ARHGAP24: variants seen among roughly 807,000 people sequenced by gnomAD.
ARHGAP24 encodes rho GTPase-activating protein 24.
A neutral mutation model predicts 76.4 loss-of-function variants in ARHGAP24; 50 were observed. The ratio of observed to expected loss-of-function variants is 0.65; its 90% CI spans 0.52 to 0.83. ARHGAP24 has a LOEUF of 0.83. Among genes scored for constraint, ARHGAP24 ranks in the 40% least tolerant of loss-of-function variants. The pLI is 0.00. For missense variants in ARHGAP24, 930 were observed against 914.2 expected, an observed-to-expected ratio of 1.02 and a Z score of -0.22; for synonymous variants, 345 against 323.3, an observed-to-expected ratio of 1.07 and a Z score of -0.72.
At chr4:85,668,017 TTGTAAA>T (rs752347996) in intron 2 of ARHGAP24, among the ~76,000 whole-genome samples, 25 of 152,218 alleles carry the variant, frequency 1.6e-4, no homozygotes, top group Non-Finnish European at 3.2e-4. Flanking sequence ...ATTAAAAGTC[TTGTAAA>T]TGTAGAAAAG....
chr4:85,643,993 A>G (rs1023537916), intron 2 of ARHGAP24, among the ~76,000 whole-genome samples: 1 of 152,184 alleles, frequency 6.6e-6, no homozygotes, highest in African/African-American at 2.4e-5. Context: ...CTTTGACTTC[A>G]TTTTTGGTGA....
At position 85,885,354 on chromosome 4, in the gene ARHGAP24, T is replaced by C. The variant is rs12640241; in HGVS notation, c.269-38294T>C. ...ATTATAGGTTTTAAAATATATGTTT[T>C]TTAATTGTGCTTTTCAACTAAGGGC... On this transcript the variant is annotated intron_variant, in intron 3 of 9. Transcript: ENST00000395184. Among the ~76,000 whole-genome samples the C allele has an allele frequency of 3.4e-4, 51 of 152,230 alleles. 1 individual carries two copies. In the East Asian group the frequency reaches 8.3e-3, roughly 25 times the overall value.
chr4:85,974,601 C>T (rs1003985488), intron 6 of ARHGAP24, among the ~76,000 whole-genome samples: 4 of 152,162 alleles, frequency 2.6e-5, no homozygotes, highest in African/African-American at 9.7e-5. Context: ...AATAAATGAG[C>T]TTATCTTCTC....
At chr4:85,478,198 A>T (rs1407718449) in intron 1 of ARHGAP24, among the ~76,000 whole-genome samples, 1 of 152,226 alleles carries the variant, frequency 6.6e-6, no homozygotes, top group Non-Finnish European at 1.5e-5. Flanking sequence ...TTAAAATGGA[A>T]CGATGCCTGT....
At chr4:85,919,767 A>G (rs547867184) in intron 3 of ARHGAP24, among the ~76,000 whole-genome samples, 152 of 152,314 alleles carry the variant, frequency 1.0e-3, no homozygotes, top group Non-Finnish European at 1.9e-3. Context: ...CTAGACCTGG[A>G]GTGACACAGC....
intron 4 of ARHGAP24, chr4:85,931,022 G>C (rs918026294): frequency 6.2e-7 from 1 of 1,613,080 alleles, no homozygotes; most frequent in East Asian, 2.2e-5. Context: ...AGAATCAAAC[G>C]GTGTTTTAGT....
intron 1 of ARHGAP24, among the ~76,000 whole-genome samples, chr4:85,520,456 T>C (rs146918310): frequency 1.3e-5 from 2 of 152,296 alleles, no homozygotes; most frequent in East Asian, 1.9e-4. Flanking sequence ...CCTTCTAAGA[T>C]TGCCAGTCCT....
At chr4:85,666,006 T>C (rs1435058597) in intron 2 of ARHGAP24, among the ~76,000 whole-genome samples, 1 of 152,248 alleles carries the variant, frequency 6.6e-6, no homozygotes, top group African/African-American at 2.4e-5. Context: ...GAAGTTTCAC[T>C]TCTTGAGGAG....
intron 3 of ARHGAP24, among the ~76,000 whole-genome samples, chr4:85,735,315 C>T (rs982444845): frequency 2.0e-5 from 3 of 152,172 alleles, no homozygotes; most frequent in Non-Finnish European, 2.9e-5. Context: ...CAGCACCTCA[C>T]GTGTTTTGCT....
intron 3 of ARHGAP24, among the ~76,000 whole-genome samples, chr4:85,787,693 G>T (rs1333103611): frequency 6.6e-6 from 1 of 151,974 alleles, no homozygotes; most frequent in African/African-American, 2.4e-5. Flanking sequence ...AATTTTCATG[G>T]TAATGGAGCC....
intron 1 of ARHGAP24, among the ~76,000 whole-genome samples, chr4:85,568,875 A>G (rs562368044): frequency 6.6e-6 from 1 of 152,362 alleles, no homozygotes; most frequent in South Asian, 2.1e-4. Flanking sequence ...ATAGTGATAG[A>G]TTGAAATATA....
chr4:85,574,601 G>A (rs1418427064), intron 2 of ARHGAP24, among the ~76,000 whole-genome samples: 2 of 152,166 alleles, frequency 1.3e-5, no homozygotes, highest in Non-Finnish European at 2.9e-5. Flanking sequence ...TGGAAAAGGG[G>A]TTCCTTAGTA....
chr4:85,795,735 T>TAA (rs11393961), intron 3 of ARHGAP24, among the ~76,000 whole-genome samples: 29 of 150,422 alleles, frequency 1.9e-4, no homozygotes, highest in African/African-American at 5.4e-4. Flanking sequence ...TGTAATATGG[T>TAA]AAAAAAAAAA....
In ARHGAP24 at chr4:85,707,413, ATAAG is replaced by A. The variant is rs1333514228; in HGVS notation, c.181-14471_181-14468del. Among the ~76,000 whole-genome samples, 8 of 8,618 alleles carry A rather than the reference ATAAG, an allele frequency of 9.3e-4. No individual in the cohort carries two copies. The Non-Finnish European group carries it at 0.04, about 43-fold the overall frequency. The allele number at this position is 8,618 out of a possible 152,430, so 5.7% of individuals were successfully genotyped here. On this transcript the variant is annotated intron_variant, in intron 2 of 9. Coordinates refer to ENST00000395184, the MANE Select transcript of ARHGAP24 (RefSeq NM_001025616.3). ...GAATTAGTATTTTATTTTGACTGAG[ATAAG>A]AACGTTATTTAACTTTTATTTTCAC...
chr4:86,000,727 G>A lies in ARHGAP24; in HGVS notation c.*5G>A. On this transcript the variant is annotated 3_prime_UTR_variant, in exon 10 of 10. Transcript: ENST00000395184. ...AACACAATATGGATTCAGTGAGCCT[G>A]CTTTCGCCTGCTGTCTCTGATGGCT... 6.2e-7 allele frequency: 1 copy of A among 1,613,666 alleles called. No individual in the cohort carries two copies. Among genetic ancestry groups the A allele is most frequent in the Non-Finnish European group, 8.5e-7 (1 of 1,179,718 alleles).
At chr4:85,768,147 T>C (rs1187740381) in intron 3 of ARHGAP24, among the ~76,000 whole-genome samples, 1 of 152,102 alleles carries the variant, frequency 6.6e-6, no homozygotes, top group Non-Finnish European at 1.5e-5. Context: ...AGCAAAATGT[T>C]AGCAATAAAA....
intron 3 of ARHGAP24, among the ~76,000 whole-genome samples, chr4:85,734,677 CCTT>C (rs1349024666): frequency 4.6e-5 from 5 of 109,850 alleles, no homozygotes; most frequent in Non-Finnish European, 8.9e-5. Flanking sequence ...ATCACATTGT[CCTT>C]CTCATGACTC....
chr4:85,506,906 C>CT (rs371926733), intron 1 of ARHGAP24, among the ~76,000 whole-genome samples: 3 of 151,420 alleles, frequency 2.0e-5, no homozygotes, highest in Non-Finnish European at 2.9e-5. Flanking sequence ...TTTTTTCCCC[C>CT]CATGTGGAAC....
intron 1 of ARHGAP24, among the ~76,000 whole-genome samples, chr4:85,478,813 G>A (rs948834015): frequency 1.3e-5 from 2 of 151,966 alleles, no homozygotes; most frequent in Non-Finnish European, 2.9e-5. Context: ...AACTTCCTTC[G>A]GGAAAACTTA....
Sources: gnomAD v4.1 joint callset for allele counts (sites outside exome capture counted in the v4.1 genomes callset) on GRCh38, gnomAD v4.1.1 for gene constraint, MANE v1.5 for transcripts, NCBI Gene and HGNC (gene_info 2026-07-23, HGNC 2026-07-21) for gene names.